Variants in TPRG1 observed in about 807,000 individuals in gnomAD.
TPRG1 encodes the protein tumor protein p63-regulated gene 1 protein.
TPRG1 carries 29 observed loss-of-function variants against 29.3 expected under a neutral mutation model. That is an observed-to-expected ratio of 0.99 (90% CI 0.74 to 1.35). TPRG1 has a LOEUF of 1.35. TPRG1 is among the 40% of genes most tolerant of loss of function. The probability of loss-of-function intolerance (pLI) is 0.00; values close to 1 mark genes in which losing one functional copy is unlikely to be tolerated. For missense variants in TPRG1, 327 were observed against 335.0 expected, an observed-to-expected ratio of 0.98 and a Z score of 0.19; for synonymous variants, 130 against 116.8, an observed-to-expected ratio of 1.11 and a Z score of -0.73.
chr3:189,183,316 A>G (rs899308080), intron 1 of TPRG1, among the ~76,000 whole-genome samples: 1 of 152,148 alleles, frequency 6.6e-6, no homozygotes, highest in Non-Finnish European at 1.5e-5. Context: ...CATACTTCAC[A>G]AGGTAGTAGA....
chr3:189,228,736 A>T (rs1738188504), intron 3 of TPRG1, among the ~76,000 whole-genome samples: 1 of 152,208 alleles, frequency 6.6e-6, no homozygotes, highest in Non-Finnish European at 1.5e-5. Context: ...TGAATACTCT[A>T]GTAATTCAAT....
intron 3 of TPRG1, among the ~76,000 whole-genome samples, chr3:189,222,859 C>T (rs1439041196): frequency 6.6e-6 from 1 of 152,280 alleles, no homozygotes; most frequent in African/African-American, 2.4e-5. Context: ...TATCCCTTGG[C>T]CTCATGATTG....
chr3:189,062,461 A>T (rs1716177632), intron 4 of TPRG1, among the ~76,000 whole-genome samples: 1 of 152,182 alleles, frequency 6.6e-6, no homozygotes, highest in South Asian at 2.1e-4. Flanking sequence ...AAAGAAAATG[A>T]TAATTTTTTT....
rs768355938 is a variant in TPRG1, at chr3:189,049,194, C to G, written c.-463+25248C>G. Among the ~76,000 whole-genome samples, 2 of 152,184 alleles carry G rather than the reference C, an allele frequency of 1.3e-5. 1 individual carries two copies. Among genetic ancestry groups the G allele is most frequent in the South Asian group, 4.1e-4 (2 of 4,824 alleles). On this transcript the variant is annotated intron_variant, in intron 4 of 10. Coordinates refer to the TPRG1 transcript ENST00000433971. ...TGGGCAGACTTCACAGGCACAGGCA[C>G]GGAAGAACTAAAGCCCTTTTCTCTT...
At chr3:189,294,182 T>A (rs566462105) in intron 4 of TPRG1, among the ~76,000 whole-genome samples, 2 of 152,326 alleles carry the variant, frequency 1.3e-5, no homozygotes, top group East Asian at 3.9e-4. Context: ...GGAAACTGAC[T>A]GGTGATTTTG....
chr3:189,324,691 A>G lies in TPRG1; in HGVS notation c.*3871A>G, dbSNP rs1331152693. The G allele has an allele frequency of 6.6e-6, 1 of 152,190 alleles. No individual in the cohort carries two copies. Among genetic ancestry groups the G allele is most frequent in the Non-Finnish European group, 1.5e-5 (1 of 68,044 alleles). 9.4% of individuals were successfully genotyped at this position (152,190 alleles called of 1,614,324 possible). ...CAAAGGTATTAAATTTAGGCTTAAA[A>G]GCTCCTCAGAAATTCTTTACACACA... On this transcript the variant is annotated 3_prime_UTR_variant, in exon 6 of 6. Transcript: ENST00000345063.
chr3:189,099,754 G>A (rs911271282), upstream of TPRG1, among the ~76,000 whole-genome samples: 1 of 152,148 alleles, frequency 6.6e-6, no homozygotes, highest in African/African-American at 2.4e-5. Flanking sequence ...TCCAGACCCA[G>A]ATTGCTTTCA....
At chr3:189,229,037 G>A (rs1403773680) in intron 3 of TPRG1, among the ~76,000 whole-genome samples, 1 of 152,112 alleles carries the variant, frequency 6.6e-6, no homozygotes, top group African/African-American at 2.4e-5. Context: ...AAATAAAGAA[G>A]AATTACTTAG....
intron 4 of TPRG1, among the ~76,000 whole-genome samples, chr3:189,259,427 A>G (rs1441897843): frequency 6.1e-5 from 8 of 130,310 alleles, no homozygotes; most frequent in African/African-American, 2.4e-4. Flanking sequence ...TGCAGGCTGG[A>G]GCTATTCCTG....
intron 1 of TPRG1, among the ~76,000 whole-genome samples, chr3:189,184,770 T>C (rs1446054615): frequency 6.6e-6 from 1 of 152,238 alleles, no homozygotes; most frequent in Non-Finnish European, 1.5e-5. Flanking sequence ...CTTATTCCTC[T>C]GCCCTTGTGC....
intron 1 of TPRG1, among the ~76,000 whole-genome samples, chr3:189,118,434 G>A (rs1468477022): frequency 6.6e-6 from 1 of 152,196 alleles, no homozygotes; most frequent in Non-Finnish European, 1.5e-5. Context: ...CAAGCCACCT[G>A]CAGAAAGTTG....
chr3:189,258,447 C>T (rs1712320595), intron 4 of TPRG1, among the ~76,000 whole-genome samples: 1 of 152,142 alleles, frequency 6.6e-6, no homozygotes, highest in African/African-American at 2.4e-5. Flanking sequence ...TTGACCCCTG[C>T]TGGACGTGTC....
intron 3 of TPRG1, among the ~76,000 whole-genome samples, chr3:189,021,583 G>T (rs1014970806): frequency 1.3e-5 from 2 of 152,150 alleles, no homozygotes; most frequent in African/African-American, 4.8e-5. Context: ...GGCTTGTAGG[G>T]TTTCTGCCGA....
intron 3 of TPRG1, among the ~76,000 whole-genome samples, chr3:189,222,364 T>C (rs1393150918): frequency 6.6e-6 from 1 of 152,156 alleles, no homozygotes; most frequent in Non-Finnish European, 1.5e-5. Flanking sequence ...AATCAGAGAT[T>C]TCTAATCCTT....
chr3:189,272,713 CTCCTTCCTTCCT>C lies in TPRG1; in HGVS notation c.479+33831_479+33842del, dbSNP rs59828840. Among the ~76,000 whole-genome samples the C allele has an allele frequency of 2.6e-3, 346 of 132,500 alleles. 2 individuals are homozygous for C. Among genetic ancestry groups the C allele is most frequent in the African/African-American group, 7.8e-3 (269 of 34,490 alleles). 86.9% of individuals were successfully genotyped at this position (132,500 alleles called of 152,430 possible). On this transcript the variant is annotated intron_variant, in intron 4 of 5. Coordinates refer to ENST00000345063, the MANE Select transcript of TPRG1 (RefSeq NM_198485.4). ...TTTCTTTCTCTTTCTTTCTTTCTTT[CTCCTTCCTTCCT>C]TCCTTCCTTCCTTCCTTCCTTCCTT...
At chr3:189,050,255 T>C (rs1458528501) in intron 4 of TPRG1, among the ~76,000 whole-genome samples, 1 of 151,702 alleles carries the variant, frequency 6.6e-6, no homozygotes, top group East Asian at 1.9e-4. Flanking sequence ...ACAGGAGATA[T>C]TATAGCTGAC....
chr3:189,250,177 G>T (rs1741941243), intron 4 of TPRG1, among the ~76,000 whole-genome samples: 1 of 152,126 alleles, frequency 6.6e-6, no homozygotes, highest in Admixed American at 6.5e-5. Flanking sequence ...GTTAGAGTGG[G>T]GAAGCCTGTG....
intron 1 of TPRG1, among the ~76,000 whole-genome samples, chr3:189,203,050 G>A (rs896990473): frequency 4.0e-5 from 6 of 151,828 alleles, no homozygotes; most frequent in African/African-American, 7.3e-5. Context: ...CATTTCAGGG[G>A]GTCTGTTTCA....
chr3:189,175,323 A>G (rs983936244), intron 1 of TPRG1, among the ~76,000 whole-genome samples: 1 of 152,220 alleles, frequency 6.6e-6, no homozygotes, highest in African/African-American at 2.4e-5. Context: ...GAGTTTAAGT[A>G]AACTCCCAAG....
Sources: gnomAD v4.1 joint callset for allele counts (sites outside exome capture counted in the v4.1 genomes callset) on GRCh38, gnomAD v4.1.1 for gene constraint, MANE v1.5 for transcripts, NCBI Gene and HGNC (gene_info 2026-07-23, HGNC 2026-07-21) for gene names.